Variants in RXFP2 observed in about 807,000 individuals in gnomAD.
The protein encoded by RXFP2 is relaxin family peptide receptor 2, also known as relaxin receptor 2.
In RXFP2, 68 loss-of-function variants were observed where a neutral mutation model predicts 88.6. The ratio of observed to expected loss-of-function variants is 0.77; its 90% confidence interval spans 0.63 to 0.94. The LOEUF (loss-of-function observed/expected upper bound fraction) is 0.94. Ranked by LOEUF, RXFP2 falls within the 40% of genes least tolerant of loss-of-function variation. The pLI is 0.00. For synonymous variants in RXFP2, 329 were observed against 306.8 expected, an observed-to-expected ratio of 1.07 and a Z score of -0.76; for missense variants, 791 against 893.9, an observed-to-expected ratio of 0.88 and a Z score of 1.47.
intron 14 of RXFP2, among the ~76,000 whole-genome samples, chr13:31,791,574 A>G (rs1873792985): frequency 6.6e-6 from 1 of 151,844 alleles, no homozygotes; most frequent in Non-Finnish European, 1.5e-5. Flanking sequence ...GTCCTCCCAA[A>G]CTCTCCTCAT....
chr13:31,783,789 AG>A (rs1345182037), intron 11 of RXFP2, among the ~76,000 whole-genome samples: 16 of 121,828 alleles, frequency 1.3e-4, no homozygotes, highest in Non-Finnish European at 1.8e-5. Context: ...GGACAAACAG[AG>A]GGGTTTTTTG....
At chr13:31,789,066 C>T (rs1370888248) in intron 13 of RXFP2, 56 bp from the exon 14 acceptor site, 3 of 1,035,130 alleles carry the variant, frequency 2.9e-6, no homozygotes, top group Non-Finnish European at 4.6e-6. Flanking sequence ...ATGAAGAATG[C>T]AATTATTAAA....
rs1260954173 is a variant in RXFP2, at chr13:31,792,807, C to T, written c.1505C>T (p.Ala502Val). The change falls in exon 16 of 18, where the codon GCC becomes GTC. Residue 502 changes from alanine to valine, a missense_variant. Coordinates refer to ENST00000298386, the MANE Select transcript of RXFP2 (RefSeq NM_130806.5). The stretch of plus-strand genomic sequence containing the variant: ...CAGTGCCGCCTCATGGGGTTCCTGG[C>T]CATGCTGTCCACCGAAGTCTCTGTT... ...SVQCRLMGFL[A>V]MLSTEVSVLL... 7.4e-6 allele frequency: 12 copies of T among 1,613,966 alleles called. No homozygotes were observed. Among genetic ancestry groups the T allele is most frequent in the African/African-American group, 1.3e-5 (1 of 74,888 alleles).
intron 2 of RXFP2, among the ~76,000 whole-genome samples, chr13:31,761,369 G>A (rs983324805): frequency 6.6e-6 from 1 of 152,274 alleles, no homozygotes; most frequent in Admixed American, 6.5e-5. Context: ...CAGTATGCAC[G>A]TGACAAAAAC....
At chr13:31,778,628 G>A in intron 9 of RXFP2, 45 bp downstream of exon 9, 1 of 1,296,558 alleles carries the variant, frequency 7.7e-7, no homozygotes, top group African/African-American at 1.5e-5. Flanking sequence ...CCCTGATTAA[G>A]GAAACTAGCC....
intron 17 of RXFP2, 126 bp from the exon 18 acceptor site, chr13:31,802,020 G>T: frequency 1.1e-6 from 1 of 912,444 alleles, no homozygotes. Context: ...TTTTCCTTCA[G>T]GTGAGAGAAA....
chr13:31,796,488 T>G lies in RXFP2; in HGVS notation c.1787-713T>G, dbSNP rs191988872. 3.8e-3 allele frequency among the ~76,000 whole-genome samples: 583 copies of G among 152,266 alleles called. 5 individuals are homozygous for G. Among genetic ancestry groups the G allele is most frequent in the African/African-American group, 0.014 (562 of 41,578 alleles). ...GGGGTTGTTTTTATTTTTTGAGATG[T>G]GCATATGATTACAGTAATCCCTTAA... On this transcript the variant is annotated intron_variant, in intron 16 of 17. Transcript: ENST00000298386.
At chr13:31,788,424 T>C (rs918438419) in intron 13 of RXFP2, among the ~76,000 whole-genome samples, 1 of 152,188 alleles carries the variant, frequency 6.6e-6, no homozygotes, top group African/African-American at 2.4e-5. Context: ...CCTAAGAACA[T>C]GGCAGCTCTT....
intron 15 of RXFP2, 99 bp from the exon 16 acceptor site, chr13:31,792,579 T>A (rs1240680462): frequency 5.2e-6 from 6 of 1,161,944 alleles, no homozygotes; most frequent in Non-Finnish European, 7.7e-6. Flanking sequence ...AGGAACTAGA[T>A]CTAATTAGAA....
Position 31,802,194 on chromosome 13 carries a change from C to CT in RXFP2, c.2057dup (p.Leu686PhefsTer14). 6.2e-7 allele frequency: 1 copy of CT among 1,613,742 alleles called. No individual in the cohort carries two copies. The highest frequency in any genetic ancestry group is 8.5e-7 in the Non-Finnish European group (1 of 1,179,804). On this transcript the variant is annotated frameshift_variant, in exon 18 of 18. Coordinates refer to ENST00000298386, the MANE Select transcript of RXFP2 (RefSeq NM_130806.5). LOFTEE classifies it high-confidence loss of function. ...ATTTTTTTCCTTCCAGTTAACAGTG[C>CT]TTTGAATCCAATCCTCTATACTCTC...
At chr13:31,786,118 T>A (rs1873525805) in intron 11 of RXFP2, among the ~76,000 whole-genome samples, 1 of 152,140 alleles carries the variant, frequency 6.6e-6, no homozygotes, top group African/African-American at 2.4e-5. Context: ...AAATTAGATA[T>A]GAAAGCCAGG....
intron 14 of RXFP2, among the ~76,000 whole-genome samples, chr13:31,789,628 A>G (rs768927922): frequency 1.3e-5 from 2 of 152,240 alleles, no homozygotes; most frequent in Non-Finnish European, 2.9e-5. Context: ...AATGGAGGTA[A>G]TTAATCTTTA....
At chr13:31,768,623 G>A (rs2138420893) in intron 5 of RXFP2, among the ~76,000 whole-genome samples, 1 of 152,240 alleles carries the variant, frequency 6.6e-6, no homozygotes, top group African/African-American at 2.4e-5. Context: ...TCCAGGCTCA[G>A]AATATGTTAT....
intron 1 of RXFP2, among the ~76,000 whole-genome samples, chr13:31,756,495 G>A (rs1313777356): frequency 6.6e-6 from 1 of 152,080 alleles, no homozygotes; most frequent in African/African-American, 2.4e-5. Flanking sequence ...CATGATGCTA[G>A]CCTTCAGCCA....
At chr13:31,748,534 G>A (rs537991838) in intron 1 of RXFP2, among the ~76,000 whole-genome samples, 15 of 152,058 alleles carry the variant, frequency 9.9e-5, no homozygotes, top group African/African-American at 2.7e-4. Flanking sequence ...ATCCTCTTTC[G>A]TTCGGTACCT....
intron 5 of RXFP2, among the ~76,000 whole-genome samples, chr13:31,771,315 G>T (rs894469043): frequency 6.6e-6 from 1 of 152,196 alleles, no homozygotes; most frequent in Non-Finnish European, 1.5e-5. Context: ...AGTGGTGAGC[G>T]AGCAAGCAAA....
intron 2 of RXFP2, among the ~76,000 whole-genome samples, chr13:31,758,793 T>C (rs1872101134): frequency 6.6e-6 from 1 of 152,098 alleles, no homozygotes; most frequent in Admixed American, 6.5e-5. Flanking sequence ...ACCCCAGCAC[T>C]TTGGAAGGCC....
chr13:31,777,550 T>C, intron 8 of RXFP2, 103 bp downstream of exon 8: 1 of 829,162 alleles, frequency 1.2e-6, no homozygotes, highest in South Asian at 1.5e-5. Context: ...CCACAAAAAT[T>C]TTTATTAGTC....
chr13:31,790,824 A>G (rs925923129), intron 14 of RXFP2, among the ~76,000 whole-genome samples: 2 of 152,154 alleles, frequency 1.3e-5, no homozygotes, highest in African/African-American at 4.8e-5. Flanking sequence ...CCCTGGCAGT[A>G]TCCAGGGGAA....
Sources: allele counts gnomAD v4.1 joint callset (sites outside exome capture counted in the v4.1 genomes callset), GRCh38; gene constraint gnomAD v4.1.1; transcripts MANE v1.5; gene names NCBI Gene and HGNC (gene_info 2026-07-23, HGNC 2026-07-21).